The following ABCB5 variants were observed in gnomAD, a reference collection of about 807,000 sequenced individuals.
ABCB5 encodes ATP binding cassette subfamily B member 5, also known as ATP-binding cassette sub-family B member 5.
In ABCB5, 155 loss-of-function variants were observed where a neutral mutation model predicts 144.2. The observed-to-expected ratio is 1.08, with a 90% CI of 0.94 to 1.23. ABCB5 has a LOEUF of 1.23. ABCB5 is among the 50% of genes most tolerant of loss of function. The probability of loss-of-function intolerance (pLI) is 0.00; values close to 1 mark genes in which losing one functional copy is unlikely to be tolerated. For synonymous variants in ABCB5, 610 were observed against 528.6 expected (o/e 1.15, Z -2.11); for missense variants, 1,830 against 1,520.8 (o/e 1.20, Z -3.38).
At chr7:20,616,129 G>C (rs1783678659) in intron 1 of ABCB5, among the ~76,000 whole-genome samples, 1 of 152,206 alleles carries the variant, frequency 6.6e-6, no homozygotes, top group African/African-American at 2.4e-5. Flanking sequence ...TCCGCCTCCA[G>C]GGTTCAAGAG....
intron 23 of ABCB5, among the ~76,000 whole-genome samples, chr7:20,737,749 A>AT (rs555679468): frequency 2.1e-4 from 31 of 148,774 alleles, no homozygotes; most frequent in Non-Finnish European, 4.4e-4. Context: ...TTAAAAACAC[A>AT]TTTAAAAAAA....
At chr7:20,637,753 A>G (rs1784197805) in intron 5 of ABCB5, among the ~76,000 whole-genome samples, 1 of 152,094 alleles carries the variant, frequency 6.6e-6, no homozygotes, top group African/African-American at 2.4e-5. Context: ...CTTCTAAGCA[A>G]CTTAATCCTT....
chr7:20,737,821 C>G (rs151073162), intron 23 of ABCB5, among the ~76,000 whole-genome samples: 4 of 152,172 alleles, frequency 2.6e-5, no homozygotes, highest in African/African-American at 9.6e-5. Flanking sequence ...AGCTGGGTAT[C>G]AAATAATTCA....
chr7:20,717,086 T>A (rs141091114), intron 20 of ABCB5, among the ~76,000 whole-genome samples: 39 of 152,182 alleles, frequency 2.6e-4, no homozygotes, highest in African/African-American at 8.4e-4. Context: ...GAGCATTTAG[T>A]ATTTAAGGAA....
At chr7:20,729,235 T>G (rs1183465579) in intron 23 of ABCB5, among the ~76,000 whole-genome samples, 1 of 152,206 alleles carries the variant, frequency 6.6e-6, no homozygotes. Flanking sequence ...AATTCCCAGA[T>G]GAATTGCTCT....
chr7:20,643,128 T>A, intron 5 of ABCB5, 56 bp from the exon 6 acceptor site: 1 of 1,439,914 alleles, frequency 6.9e-7, no homozygotes. Context: ...TTTTTATGTG[T>A]GTAACAAGAT....
rs552135415 is a variant in ABCB5 at position 20,708,280 on chromosome 7, C to T, written c.2421+3473C>T. ...GAATTAAGAAAGATAATCAAATCTACAGCAGAAGCTAATATCCAGAGGCAT... is the reference window on the plus strand; with the variant it reads ...GAATTAAGAAAGATAATCAAATCTATAGCAGAAGCTAATATCCAGAGGCAT... On this transcript the variant is annotated intron_variant, in intron 20 of 27. Coordinates refer to ENST00000404938, the MANE Select transcript of ABCB5 (RefSeq NM_001163941.2). 1.2e-4 allele frequency among the ~76,000 whole-genome samples: 18 copies of T among 152,256 alleles called. No individual in the cohort carries two copies. The East Asian group carries it at 3.1e-3, about 26-fold the overall frequency.
intron 23 of ABCB5, among the ~76,000 whole-genome samples, chr7:20,733,175 C>G (rs1782276766): frequency 1.3e-5 from 2 of 151,184 alleles, no homozygotes; most frequent in African/African-American, 4.9e-5. Flanking sequence ...TTGGTTTACT[C>G]AACGTACATT....
At chr7:20,671,370 AAC>A (rs1785454988) in intron 14 of ABCB5, among the ~76,000 whole-genome samples, 1 of 152,166 alleles carries the variant, frequency 6.6e-6, no homozygotes, top group Non-Finnish European at 1.5e-5. Context: ...TACATATTAA[AAC>A]ATATGATTGG....
intron 1 of ABCB5, among the ~76,000 whole-genome samples, chr7:20,620,392 C>T (rs192810493): frequency 1.6e-4 from 25 of 151,996 alleles, no homozygotes; most frequent in Middle Eastern, 3.4e-3. Context: ...ACAATAAAAA[C>T]GTAGATAATT....
chr7:20,679,532 C>T (rs1166887000), intron 14 of ABCB5, among the ~76,000 whole-genome samples: 1 of 145,560 alleles, frequency 6.9e-6, no homozygotes. Context: ...CATAAACTTT[C>T]ATTGTAATAC....
At chr7:20,625,423 A>G (rs1352358619) in intron 2 of ABCB5, among the ~76,000 whole-genome samples, 1 of 152,196 alleles carries the variant, frequency 6.6e-6, no homozygotes, top group East Asian at 1.9e-4. Context: ...CTGTGAAATC[A>G]GTGGATACAA....
intron 3 of ABCB5, among the ~76,000 whole-genome samples, chr7:20,628,453 C>A (rs2128018255): frequency 6.6e-6 from 1 of 152,144 alleles, no homozygotes; most frequent in Middle Eastern, 3.4e-3. Flanking sequence ...TGTGAATAGT[C>A]AGCTGCTTTG....
intron 3 of ABCB5, among the ~76,000 whole-genome samples, chr7:20,628,305 A>C (rs1001390756): frequency 1.3e-5 from 2 of 152,252 alleles, no homozygotes; most frequent in Non-Finnish European, 2.9e-5. Context: ...GATGGTTTCC[A>C]GCTTCATCCA....
In ABCB5 at chr7:20,730,972, T is replaced by C. The variant is rs554553061; in HGVS notation, c.2867+2517T>C. Among the ~76,000 whole-genome samples, 9 of 152,244 alleles carry C rather than the reference T, an allele frequency of 5.9e-5. No individual in the cohort carries two copies. The South Asian group carries it at 1.7e-3, about 28-fold the overall frequency. On this transcript the variant is annotated intron_variant, in intron 23 of 27. Transcript: ENST00000404938. Reference sequence around the variant, plus strand: ...CATACTAATGTACGAGGTTTGATGATTTTCCAAATTCTCACAGAAGAATTT... The same window carrying C: ...CATACTAATGTACGAGGTTTGATGACTTTCCAAATTCTCACAGAAGAATTT...
At chr7:20,713,254 G>A (rs532641487) in intron 20 of ABCB5, among the ~76,000 whole-genome samples, 9 of 146,160 alleles carry the variant, frequency 6.2e-5, no homozygotes, top group Non-Finnish European at 1.1e-4. Context: ...TTTTTTTCCA[G>A]ACAGGGTCTC....
intron 27 of ABCB5, among the ~76,000 whole-genome samples, chr7:20,755,058 T>C (rs1034285167): frequency 3.3e-5 from 5 of 152,158 alleles, no homozygotes; most frequent in Non-Finnish European, 5.9e-5. Context: ...CAAGCGATTG[T>C]CCTGCCTCAG....
chr7:20,686,240 A>G (rs1785994001), intron 16 of ABCB5, among the ~76,000 whole-genome samples: 1 of 152,188 alleles, frequency 6.6e-6, no homozygotes. Context: ...TACACCACCC[A>G]GGCTTGCAGT....
intron 20 of ABCB5, among the ~76,000 whole-genome samples, chr7:20,707,970 A>AT (rs1159466906): frequency 9.9e-5 from 15 of 151,336 alleles, no homozygotes; most frequent in African/African-American, 2.4e-4. Flanking sequence ...TGCCCAGCTA[A>AT]TTTTTTTTGT....
Sources: allele counts gnomAD v4.1 joint callset (sites outside exome capture counted in the v4.1 genomes callset), GRCh38; gene constraint gnomAD v4.1.1; transcripts MANE v1.5; gene names NCBI Gene and HGNC (gene_info 2026-07-23, HGNC 2026-07-21).